The following MACROD2 variants were observed in gnomAD, a reference collection of about 807,000 sequenced individuals.
MACROD2 encodes mono-ADP ribosylhydrolase 2.
In MACROD2, 36 loss-of-function variants were observed where a neutral mutation model predicts 70.4. The ratio of observed to expected loss-of-function variants is 0.51; its 90% CI spans 0.39 to 0.68. MACROD2 has a LOEUF of 0.68. MACROD2 is among the 30% of genes least tolerant of loss of function. The pLI, the probability that MACROD2 is intolerant of heterozygous loss-of-function variation, is 0.00. For missense variants in MACROD2, 496 were observed against 538.4 expected, an observed-to-expected ratio of 0.92 and a Z score of 0.78; for synonymous variants, 172 against 178.8, an observed-to-expected ratio of 0.96 and a Z score of 0.30.
intron 3 of MACROD2, among the ~76,000 whole-genome samples, chr20:14,255,722 TAAAA>T (rs879494630): frequency 0.074 from 5,221 of 70,760 alleles, 109 homozygotes; most frequent in Non-Finnish European, 0.11. Context: ...AATAAATAAA[TAAAA>T]AAGAAAATGT....
At chr20:14,402,368 C>T (rs1053899706) in intron 3 of MACROD2, among the ~76,000 whole-genome samples, 5 of 152,148 alleles carry the variant, frequency 3.3e-5, no homozygotes, top group Non-Finnish European at 5.9e-5. Flanking sequence ...GCTGCTCATC[C>T]TTAATTCTTG....
chr20:14,568,640 T>A (rs1008476906), intron 4 of MACROD2, among the ~76,000 whole-genome samples: 3 of 151,966 alleles, frequency 2.0e-5, no homozygotes, highest in African/African-American at 7.3e-5. Flanking sequence ...TAGAAAAAAA[T>A]TATTATATGG....
At chr20:15,488,434 G>A (rs1364087500) in intron 7 of MACROD2, among the ~76,000 whole-genome samples, 2 of 152,180 alleles carry the variant, frequency 1.3e-5, no homozygotes, top group South Asian at 4.1e-4. Flanking sequence ...ACAGAGCTCT[G>A]TCTCATGGAG....
At chr20:15,988,042 G>T (rs1383615410) in intron 15 of MACROD2, among the ~76,000 whole-genome samples, 3 of 152,080 alleles carry the variant, frequency 2.0e-5, no homozygotes, top group African/African-American at 7.2e-5. Flanking sequence ...GTAAAATCAG[G>T]TCAATAGCAA....
At chr20:15,842,411 G>T (rs906963531) in intron 8 of MACROD2, among the ~76,000 whole-genome samples, 29 of 150,830 alleles carry the variant, frequency 1.9e-4, no homozygotes, top group Non-Finnish European at 3.2e-4. Flanking sequence ...TGTATTTGCA[G>T]TCAGGACCCA....
In MACROD2 at chr20:15,232,869, T is replaced by A. The variant is rs6043143; in HGVS notation, c.540+2808T>A. Reference sequence around the variant, plus strand: ...AACATATATATTCTTATTCTTATTTTACCAAAAGAATAGATTCTTCAAATA... The same window carrying A: ...AACATATATATTCTTATTCTTATTTAACCAAAAGAATAGATTCTTCAAATA... On this transcript the variant is annotated intron_variant, in intron 6 of 17. Coordinates refer to ENST00000684519, the MANE Select transcript of MACROD2 (RefSeq NM_001351661.2). 2.8e-3 allele frequency among the ~76,000 whole-genome samples: 422 copies of A among 152,210 alleles called. 7 individuals carry two copies. In the East Asian group the frequency reaches 0.046, roughly 16 times the overall value.
chr20:14,862,029 T>TTA lies in MACROD2; in HGVS notation c.418+177078_418+177079dup, dbSNP rs11481789. 6.3e-3 allele frequency among the ~76,000 whole-genome samples: 107 copies of TTA among 16,926 alleles called. 1 individual carries two copies. The highest frequency in any genetic ancestry group is 0.014 in the African/African-American group (61 of 4,284). 11.1% of individuals were successfully genotyped at this position (16,926 alleles called of 152,430 possible). A position where few individuals can be genotyped will look rare whatever the true frequency, so the allele number is the denominator to read the frequency against. On this transcript the variant is annotated intron_variant, in intron 5 of 17. Transcript: ENST00000684519. Reference sequence around the variant, plus strand: ...TTTATATATATATATTTATATATATTTATATATATTTATATATATATTTAT... The same window carrying TTA: ...TTTATATATATATATTTATATATATTTATATATATATTTATATATATATTTAT...
chr20:14,971,299 T>C (rs2074688929), intron 5 of MACROD2, among the ~76,000 whole-genome samples: 1 of 151,966 alleles, frequency 6.6e-6, no homozygotes, highest in African/African-American at 2.4e-5. Flanking sequence ...AGTAGTTGCA[T>C]GGGTAACCAT....
At chr20:16,025,075 A>T (rs1161427636) in intron 15 of MACROD2, among the ~76,000 whole-genome samples, 4 of 152,224 alleles carry the variant, frequency 2.6e-5, no homozygotes, top group Non-Finnish European at 5.9e-5. Context: ...CTAGTTTGGT[A>T]AAAATACATG....
At chr20:14,600,792 C>G (rs1982447974) in intron 4 of MACROD2, among the ~76,000 whole-genome samples, 2 of 152,122 alleles carry the variant, frequency 1.3e-5, no homozygotes, top group Non-Finnish European at 2.9e-5. Context: ...ATTAGTGTGG[C>G]CTTCCCTGGT....
chr20:14,381,062 C>G (rs979733544), intron 3 of MACROD2, among the ~76,000 whole-genome samples: 2 of 152,122 alleles, frequency 1.3e-5, no homozygotes, highest in African/African-American at 2.4e-5. Context: ...TCTGCTAGTA[C>G]AAGTCTATGC....
At chr20:14,888,590 A>G (rs1484957064) in intron 5 of MACROD2, 1 of 152,138 alleles carries the variant, frequency 6.6e-6, no homozygotes, top group Non-Finnish European at 1.5e-5. Context: ...CAACCCAATT[A>G]AATAAAATTA....
intron 15 of MACROD2, among the ~76,000 whole-genome samples, chr20:16,038,119 A>G (rs62194236): frequency 0.016 from 2,357 of 151,314 alleles, 59 homozygotes; most frequent in East Asian, 0.12. Flanking sequence ...GAATTTATCT[A>G]TAAGTTTTAT....
At chr20:14,657,360 T>C (rs1373543683) in intron 4 of MACROD2, among the ~76,000 whole-genome samples, 2 of 152,146 alleles carry the variant, frequency 1.3e-5, no homozygotes, top group African/African-American at 4.8e-5. Context: ...TTTAGACAAG[T>C]AAATAAAAAT....
chr20:14,257,588 TG>T (rs1247521964), intron 3 of MACROD2, among the ~76,000 whole-genome samples: 2 of 152,178 alleles, frequency 1.3e-5, no homozygotes, highest in Admixed American at 1.3e-4. Flanking sequence ...CTTAAAAATC[TG>T]AGGTACCCCA....
chr20:14,887,576 C>T (rs1199284239), intron 5 of MACROD2, among the ~76,000 whole-genome samples: 5 of 151,460 alleles, frequency 3.3e-5, no homozygotes, highest in South Asian at 2.1e-4. Flanking sequence ...TTTGTGGAGA[C>T]GGCGTTTCAC....
intron 8 of MACROD2, among the ~76,000 whole-genome samples, chr20:15,649,512 C>T (rs1419710016): frequency 6.6e-6 from 1 of 152,088 alleles, no homozygotes; most frequent in African/African-American, 2.4e-5. Context: ...ATAGCCTCAA[C>T]TCTCACTGTC....
intron 5 of MACROD2, chr20:14,905,855 C>T (rs1368627048): frequency 6.6e-6 from 1 of 152,206 alleles, no homozygotes; most frequent in African/African-American, 2.4e-5. Context: ...TCCTGAACCA[C>T]TCCATCAGCT....
rs769057627 is a variant in MACROD2 at position 15,485,144 on chromosome 20, G to A, written c.572-14630G>A. 2.0e-5 allele frequency among the ~76,000 whole-genome samples: 3 copies of A among 151,756 alleles called. No individual in the cohort carries two copies. The South Asian group carries it at 6.3e-4, about 32-fold the overall frequency. ...TCTAGGAAAGTAAGAAAAAGATCAT[G>A]TGCTGGCTCTCATTTTGTCATCCTC... On this transcript the variant is annotated intron_variant, in intron 7 of 17. Coordinates refer to ENST00000684519, the MANE Select transcript of MACROD2 (RefSeq NM_001351661.2).
Sources: allele counts gnomAD v4.1 joint callset (sites outside exome capture counted in the v4.1 genomes callset), GRCh38; gene constraint gnomAD v4.1.1; transcripts MANE v1.5; gene names NCBI Gene and HGNC (gene_info 2026-07-23, HGNC 2026-07-21).